Variants in ADAMTSL3 observed in about 807,000 individuals in gnomAD.
ADAMTSL3 encodes ADAMTS-like protein 3.
In ADAMTSL3, 128 loss-of-function variants were observed where a neutral mutation model predicts 201.7. The ratio of observed to expected loss-of-function variants is 0.63; its 90% CI spans 0.55 to 0.73. The LOEUF (loss-of-function observed/expected upper bound fraction) is 0.73, where lower values mean the gene tolerates loss of function less well. ADAMTSL3 is among the 30% of genes least tolerant of loss of function. The pLI is 0.00. For missense variants in ADAMTSL3, 1,990 were observed against 2,119.6 expected (o/e 0.94, Z 1.20); for synonymous variants, 738 against 748.4 (o/e 0.99, Z 0.23).
chr15:83,822,479 G>T (rs1434172464), intron 6 of ADAMTSL3, among the ~76,000 whole-genome samples: 1 of 143,624 alleles, frequency 7.0e-6, no homozygotes, highest in East Asian at 2.1e-4. Context: ...CTTCTCAGAC[G>T]GGGCGGCCGG....
intron 2 of ADAMTSL3, among the ~76,000 whole-genome samples, chr15:83,684,089 A>C (rs2061508884): frequency 6.6e-6 from 1 of 152,250 alleles, no homozygotes; most frequent in Non-Finnish European, 1.5e-5. Context: ...TTACTTGTTT[A>C]CAACCTATCA....
At position 84,038,535 on chromosome 15, in the gene ADAMTSL3, G is replaced by T. The variant is rs769569225; in HGVS notation, c.*729G>T. On this transcript the variant is annotated 3_prime_UTR_variant, in exon 30 of 30. Coordinates refer to ENST00000286744, the MANE Select transcript of ADAMTSL3 (RefSeq NM_207517.3). ...AAAGTTAACCTTTTCTACTGATTTC[G>T]TAGTATATTCAGAGCTTTCTTTTAA... is the stretch of plus-strand genomic sequence containing the variant. 1 of 152,562 alleles carries T rather than the reference G, an allele frequency of 6.6e-6. No homozygotes were observed. The highest frequency in any genetic ancestry group is 1.5e-5 in the Non-Finnish European group (1 of 68,034). The allele number at this position is 152,562 out of a possible 1,614,324, so 9.5% of individuals were successfully genotyped here. A position where few individuals can be genotyped will look rare whatever the true frequency, so the allele number is the denominator to read the frequency against.
At chr15:83,754,573 A>G (rs893816066) in intron 3 of ADAMTSL3, among the ~76,000 whole-genome samples, 5 of 152,236 alleles carry the variant, frequency 3.3e-5, no homozygotes, top group Non-Finnish European at 5.9e-5. Flanking sequence ...AGCACCCTAC[A>G]TCCTACTTTC....
intron 6 of ADAMTSL3, 126 bp from the exon 7 acceptor site, chr15:83,837,963 A>G (rs867174798): frequency 2.5e-5 from 28 of 1,138,320 alleles, no homozygotes; most frequent in Admixed American, 1.8e-4. Flanking sequence ...TTATAAAACT[A>G]TGTTCTCATA....
chr15:83,939,881 C>T (rs1006227333), intron 17 of ADAMTSL3, among the ~76,000 whole-genome samples: 1 of 152,152 alleles, frequency 6.6e-6, no homozygotes, highest in African/African-American at 2.4e-5. Flanking sequence ...CTCAGCCTCC[C>T]AAAGTGATGG....
intron 5 of ADAMTSL3, among the ~76,000 whole-genome samples, chr15:83,806,738 C>G (rs2063608280): frequency 6.6e-6 from 1 of 152,146 alleles, no homozygotes; most frequent in African/African-American, 2.4e-5. Context: ...CCTGTAATCC[C>G]AGCTACTTGG....
chr15:83,853,435 G>A (rs2064661643), intron 7 of ADAMTSL3, among the ~76,000 whole-genome samples: 1 of 152,036 alleles, frequency 6.6e-6, no homozygotes, highest in Non-Finnish European at 1.5e-5. Context: ...TAATGTTTAA[G>A]CATTAAGCAT....
rs1158658032 is a variant in ADAMTSL3, at chr15:83,899,779, C to T, written c.1700+48C>T. 3 of 1,580,106 alleles carry T rather than the reference C, an allele frequency of 1.9e-6. No homozygotes were observed. In the South Asian group the frequency reaches 3.5e-5, roughly 19 times the overall value. ...GAATAATCAGGGCATAGCCAGTTAA[C>T]ATGATATATGTAATTTTTGTACTCA... On this transcript the variant is annotated intron_variant, in intron 15 of 29. Transcript: ENST00000286744.
chr15:83,827,950 G>T (rs1188263709), intron 6 of ADAMTSL3, among the ~76,000 whole-genome samples: 2 of 152,166 alleles, frequency 1.3e-5, no homozygotes. Context: ...GTCAGGTAAC[G>T]TGATGCCTCC....
chr15:84,032,031 A>G (rs2292188), intron 28 of ADAMTSL3, among the ~76,000 whole-genome samples: 28,334 of 151,966 alleles, frequency 0.19, 2,922 homozygotes, highest in East Asian at 0.35. Flanking sequence ...CATCCAAGAG[A>G]ACAGCACCCC....
chr15:83,972,894 C>T (rs773351596), intron 20 of ADAMTSL3, among the ~76,000 whole-genome samples: 4 of 152,146 alleles, frequency 2.6e-5, no homozygotes, highest in Non-Finnish European at 5.9e-5. Context: ...CACCATATGA[C>T]AGAGCAAGAG....
intron 16 of ADAMTSL3, among the ~76,000 whole-genome samples, chr15:83,913,640 TATGAA>T (rs1166134969): frequency 2.0e-5 from 3 of 152,174 alleles, no homozygotes; most frequent in Non-Finnish European, 4.4e-5. Context: ...AGATGGTTCA[TATGAA>T]ATAAATAGGA....
chr15:83,823,922 CTTCTTCTTCTTCT>C (rs2063943530), intron 6 of ADAMTSL3, among the ~76,000 whole-genome samples: 2 of 116,460 alleles, frequency 1.7e-5, no homozygotes, highest in Admixed American at 9.3e-5. Flanking sequence ...TCTTCTTCTT[CTTCTTCTTCTTCT>C]TCTTCTTCTT....
At chr15:83,941,722 T>G (rs2066564005) in intron 17 of ADAMTSL3, among the ~76,000 whole-genome samples, 1 of 152,350 alleles carries the variant, frequency 6.6e-6, no homozygotes, top group South Asian at 2.1e-4. Flanking sequence ...GTAATTCAAT[T>G]TAATTTTTGT....
intron 19 of ADAMTSL3, among the ~76,000 whole-genome samples, chr15:83,947,519 G>A (rs1056431468): frequency 6.6e-6 from 1 of 152,210 alleles, no homozygotes; most frequent in South Asian, 2.1e-4. Context: ...TTCCCAAATG[G>A]TGAATTTCTG....
At chr15:83,903,681 G>T (rs1057488802) in intron 15 of ADAMTSL3, among the ~76,000 whole-genome samples, 1 of 151,816 alleles carries the variant, frequency 6.6e-6, no homozygotes, top group African/African-American at 2.4e-5. Flanking sequence ...ACTTTGGAAG[G>T]CTGAGGTGGG....
chr15:83,873,884 T>G (rs917195917), intron 9 of ADAMTSL3, among the ~76,000 whole-genome samples: 1 of 145,532 alleles, frequency 6.9e-6, no homozygotes, highest in Admixed American at 6.7e-5. Context: ...TGCTCATCTT[T>G]TCATGATTAA....
chr15:83,720,718 G>A lies in ADAMTSL3; in HGVS notation c.189+16210G>A, dbSNP rs369282147. ...ATGCCCTGCTGTTGGCAGTGAAACT[G>A]TGTTACCATTAGCATATTTTACAAG... On this transcript the variant is annotated intron_variant, in intron 3 of 29. Transcript: ENST00000286744. 9.9e-5 allele frequency among the ~76,000 whole-genome samples: 15 copies of A among 152,232 alleles called. No individual in the cohort carries two copies. In the South Asian group the frequency reaches 2.7e-3, roughly 27 times the overall value.
intron 25 of ADAMTSL3, among the ~76,000 whole-genome samples, chr15:84,019,417 G>A (rs1175055824): frequency 1.3e-5 from 2 of 151,944 alleles, no homozygotes; most frequent in Non-Finnish European, 2.9e-5. Context: ...AAAAAAAAAT[G>A]TTCACAAAAA....
Sources: allele counts gnomAD v4.1 joint callset (sites outside exome capture counted in the v4.1 genomes callset), GRCh38; gene constraint gnomAD v4.1.1; transcripts MANE v1.5; gene names NCBI Gene and HGNC (gene_info 2026-07-23, HGNC 2026-07-21).